Variants in PDE4B observed in about 807,000 individuals in gnomAD.
The protein encoded by PDE4B is 3',5'-cyclic-AMP phosphodiesterase 4B.
A neutral mutation model predicts 82.2 loss-of-function variants in PDE4B; 20 were observed. The observed-to-expected ratio is 0.24, with a 90% CI of 0.17 to 0.35. The LOEUF is 0.35. Ranked by LOEUF, PDE4B falls within the 10% of genes least tolerant of loss-of-function variation. The probability of loss-of-function intolerance (pLI) is 1.00; values close to 1 mark genes in which losing one functional copy is unlikely to be tolerated. For synonymous variants in PDE4B, 320 were observed against 318.9 expected, an observed-to-expected ratio of 1.00 and a Z score of -0.04; for missense variants, 655 against 907.2, an observed-to-expected ratio of 0.72 and a Z score of 3.57.
intron 1 of PDE4B, among the ~76,000 whole-genome samples, chr1:65,863,169 T>C (rs1479369744): frequency 6.6e-6 from 1 of 152,214 alleles, no homozygotes; most frequent in Non-Finnish European, 1.5e-5. Flanking sequence ...TTAACACTGC[T>C]TTAGCTGTGT....
intron 3 of PDE4B, among the ~76,000 whole-genome samples, chr1:66,171,981 G>A (rs988062709): frequency 6.6e-6 from 1 of 152,134 alleles, no homozygotes; most frequent in African/African-American, 2.4e-5. Flanking sequence ...TAAGATTCAG[G>A]GAGTATATGT....
At position 65,830,327 on chromosome 1, in the gene PDE4B, G is replaced by A. The variant is rs577581916; in HGVS notation, c.-71+37079G>A. Among the ~76,000 whole-genome samples, 4 of 152,156 alleles carry A rather than the reference G, an allele frequency of 2.6e-5. No individual in the cohort carries two copies. In the South Asian group the frequency reaches 8.3e-4, roughly 32 times the overall value. ...TCTATGAAATATTGTCTCCTCTAGG[G>A]GGTCAAGCTTAACTCTCTCTGCCTT... On this transcript the variant is annotated intron_variant, in intron 1 of 16. Coordinates refer to ENST00000341517, the MANE Select transcript of PDE4B (RefSeq NM_002600.4).
At chr1:66,251,169 A>G (rs1411841409) in intron 4 of PDE4B, among the ~76,000 whole-genome samples, 2 of 152,226 alleles carry the variant, frequency 1.3e-5, no homozygotes, top group Admixed American at 1.3e-4. Flanking sequence ...AAAAGCACAC[A>G]TTTATTGAGT....
intron 8 of PDE4B, among the ~76,000 whole-genome samples, chr1:66,348,556 C>G (rs1399824183): frequency 1.3e-5 from 2 of 151,552 alleles, no homozygotes; most frequent in Non-Finnish European, 2.9e-5. Context: ...TTTAAATTAT[C>G]TAAAAATATA....
chr1:66,330,794 G>A (rs991788324), intron 7 of PDE4B: 7 of 985,154 alleles, frequency 7.1e-6, no homozygotes, highest in Non-Finnish European at 7.2e-6. Flanking sequence ...GAGAATCTTC[G>A]TGTTGAGGCA....
chr1:66,327,767 T>G (rs1002350623), intron 7 of PDE4B, among the ~76,000 whole-genome samples: 1 of 152,108 alleles, frequency 6.6e-6, no homozygotes, highest in African/African-American at 2.4e-5. Flanking sequence ...ATTAGGTAGA[T>G]CAGAAAAGGG....
Position 66,368,801 on chromosome 1 carries a change from G to T in PDE4B, c.1677G>T (p.Met559Ile). 1.3e-6 allele frequency: 2 copies of T among 1,583,118 alleles called. No individual in the cohort carries two copies. Among genetic ancestry groups the T allele is most frequent in the South Asian group, 1.2e-5 (1 of 86,156 alleles). ...GATGATTTCAGGTCCTTCGCAACATGGTACACTGTGCAGACCTGAGCAACC... is the reference window on the plus strand; with the variant it reads ...GATGATTTCAGGTCCTTCGCAACATTGTACACTGTGCAGACCTGAGCAACC... ...YTDRIQVLRN[M>I]VHCADLSNPT... The change falls in exon 16 of 17, where the codon ATG (methionine) becomes ATT (isoleucine). Residue 559 changes from methionine (M) to isoleucine (I), a missense_variant. Met to Ile is a conservative substitution (Grantham distance 10). Coordinates refer to ENST00000341517, the MANE Select transcript of PDE4B (RefSeq NM_002600.4).
chr1:65,946,101 C>T lies in PDE4B; in HGVS notation c.281+27266C>T, dbSNP rs570379064. 1.1e-4 allele frequency among the ~76,000 whole-genome samples: 16 copies of T among 152,076 alleles called. No individual in the cohort carries two copies. The South Asian group carries it at 3.1e-3, about 30-fold the overall frequency. On this transcript the variant is annotated intron_variant, in intron 3 of 16. Transcript: ENST00000341517. ...CATGTACTAATCTTGGGCTTTTTCT[C>T]CCTCATCAACAGGTCACAGGAAACC...
At chr1:66,119,798 A>T (rs111490038) in intron 3 of PDE4B, among the ~76,000 whole-genome samples, 1 of 152,180 alleles carries the variant, frequency 6.6e-6, no homozygotes, top group African/African-American at 2.4e-5. Context: ...AAGTAATTAG[A>T]GTGGGCCCTA....
At chr1:66,267,008 T>C (rs1220997318) in intron 7 of PDE4B, 2 of 186,758 alleles carry the variant, frequency 1.1e-5, no homozygotes, top group Admixed American at 5.6e-5. Context: ...GTTTTCTTTC[T>C]GGTATCCTGA....
chr1:65,951,410 C>T (rs138398051), intron 3 of PDE4B, among the ~76,000 whole-genome samples: 1 of 152,118 alleles, frequency 6.6e-6, no homozygotes, highest in Non-Finnish European at 1.5e-5. Context: ...TTTGGCTTTC[C>T]TATTTTTTTA....
At chr1:65,973,714 C>A (rs1650265664) in intron 3 of PDE4B, among the ~76,000 whole-genome samples, 2 of 152,116 alleles carry the variant, frequency 1.3e-5, no homozygotes, top group South Asian at 4.1e-4. Flanking sequence ...TTTGAAGAGA[C>A]AGACACATTC....
At chr1:65,920,284 G>A (rs370766548) in intron 3 of PDE4B, among the ~76,000 whole-genome samples, 1 of 152,096 alleles carries the variant, frequency 6.6e-6, no homozygotes, top group South Asian at 2.1e-4. Context: ...TACTACTCTC[G>A]CAGACTATTC....
rs75569462 is a variant in PDE4B, at chr1:65,999,587, T to G, written c.281+80752T>G. Among the ~76,000 whole-genome samples, 450 of 152,290 alleles carry G rather than the reference T, an allele frequency of 3.0e-3. 3 individuals carry two copies. Among genetic ancestry groups the G allele is most frequent in the African/African-American group, 0.01 (423 of 41,554 alleles). On this transcript the variant is annotated intron_variant, in intron 3 of 16. Transcript: ENST00000341517. ...AGAGGCCTTTGCTGACCTCCCTATCTAAAATAGCACCCTTTCGCCTTTTAC... is the reference window on the plus strand; with the variant it reads ...AGAGGCCTTTGCTGACCTCCCTATCGAAAATAGCACCCTTTCGCCTTTTAC...
intron 3 of PDE4B, among the ~76,000 whole-genome samples, chr1:66,158,679 G>A (rs948184658): frequency 2.6e-5 from 4 of 152,092 alleles, no homozygotes; most frequent in South Asian, 2.1e-4. Flanking sequence ...GCCAAAATAC[G>A]GAATCAAACT....
chr1:65,833,463 T>C (rs896112703), intron 1 of PDE4B, among the ~76,000 whole-genome samples: 1 of 152,122 alleles, frequency 6.6e-6, no homozygotes, highest in Non-Finnish European at 1.5e-5. Flanking sequence ...GATTTTTAGC[T>C]CAATAAAAGG....
rs532253659 is a variant in PDE4B at position 66,373,013 on chromosome 1, A to C, written c.*335A>C. 11 of 234,862 alleles carry C rather than the reference A, an allele frequency of 4.7e-5. No individual in the cohort carries two copies. In the South Asian group the frequency reaches 1.1e-3, roughly 23 times the overall value. The allele number at this position is 234,862 out of a possible 1,614,324, so 14.5% of individuals were successfully genotyped here. ...GGGAACTTATCCCCGACAGTGACTGAACTCACTGACTAATAACTTCATTTA... is the reference window on the plus strand; with the variant it reads ...GGGAACTTATCCCCGACAGTGACTGCACTCACTGACTAATAACTTCATTTA... On this transcript the variant is annotated 3_prime_UTR_variant, in exon 17 of 17. Coordinates refer to ENST00000341517, the MANE Select transcript of PDE4B (RefSeq NM_002600.4).
chr1:65,949,605 T>C (rs1648890401), intron 3 of PDE4B, among the ~76,000 whole-genome samples: 1 of 152,118 alleles, frequency 6.6e-6, no homozygotes, highest in African/African-American at 2.4e-5. Context: ...CTTGATGTTT[T>C]TAGGCATATA....
intron 4 of PDE4B, among the ~76,000 whole-genome samples, chr1:66,249,740 T>C (rs1653610550): frequency 6.6e-6 from 1 of 150,556 alleles, no homozygotes; most frequent in Non-Finnish European, 1.5e-5. Context: ...AAGTAAAAAT[T>C]ATATATGTAA....
Sources: allele counts gnomAD v4.1 joint callset (sites outside exome capture counted in the v4.1 genomes callset), GRCh38; gene constraint gnomAD v4.1.1; transcripts MANE v1.5; gene names NCBI Gene and HGNC (gene_info 2026-07-23, HGNC 2026-07-21).